The following FHIT variants were observed in gnomAD, a reference collection of about 807,000 sequenced individuals.
The protein encoded by FHIT is bis(5'-adenosyl)-triphosphatase.
FHIT carries 19 observed loss-of-function variants against 17.9 expected under a neutral mutation model. The ratio of observed to expected loss-of-function variants is 1.06; its 90% CI spans 0.74 to 1.56. The LOEUF (loss-of-function observed/expected upper bound fraction) is 1.56. Among genes scored for constraint, FHIT ranks in the 40% most tolerant of loss-of-function variants. The pLI, the probability that FHIT is intolerant of heterozygous loss-of-function variation, is 0.00. For synonymous variants in FHIT, 81 were observed against 69.7 expected (o/e 1.16, Z -0.81); for missense variants, 248 against 189.2 (o/e 1.31, Z -1.82).
intron 2 of FHIT, among the ~76,000 whole-genome samples, chr3:61,180,196 TGAG>T (rs2038295495): frequency 6.6e-6 from 1 of 152,146 alleles, no homozygotes; most frequent in African/African-American, 2.4e-5. Flanking sequence ...AATGAAAGTG[TGAG>T]GAGATCTGTA....
At chr3:59,986,169 T>C (rs527712583) in intron 7 of FHIT, among the ~76,000 whole-genome samples, 3 of 152,054 alleles carry the variant, frequency 2.0e-5, no homozygotes, top group South Asian at 4.2e-4. Flanking sequence ...CAGCTAACTT[T>C]CTTGGGAAAA....
At chr3:60,332,865 T>A (rs1314281722) in intron 5 of FHIT, among the ~76,000 whole-genome samples, 2 of 152,282 alleles carry the variant, frequency 1.3e-5, no homozygotes, top group African/African-American at 4.8e-5. Context: ...AGAGGAAGAT[T>A]TTTGCCCTCC....
intron 7 of FHIT, among the ~76,000 whole-genome samples, chr3:59,925,381 T>C (rs766977012): frequency 2.6e-5 from 4 of 152,154 alleles, no homozygotes; most frequent in Non-Finnish European, 4.4e-5. Context: ...GCTGAGATTA[T>C]AGGTGTGAGC....
intron 5 of FHIT, among the ~76,000 whole-genome samples, chr3:60,110,571 G>A (rs78903978): frequency 3.0e-4 from 45 of 152,188 alleles, no homozygotes; most frequent in African/African-American, 1.1e-3. Context: ...TTCCATCTTT[G>A]GTAGCTGTGC....
chr3:60,368,035 C>CTA (rs1277323770), intron 5 of FHIT, among the ~76,000 whole-genome samples: 3 of 151,982 alleles, frequency 2.0e-5, no homozygotes, highest in African/African-American at 7.2e-5. Context: ...AACATTTTAT[C>CTA]TATGCTTTTG....
chr3:60,488,459 A>C (rs1559486122), intron 5 of FHIT, among the ~76,000 whole-genome samples: 2 of 152,176 alleles, frequency 1.3e-5, no homozygotes, highest in Admixed American at 1.3e-4. Flanking sequence ...AGGACTATTC[A>C]GAAGTCATGT....
chr3:60,972,753 C>T (rs541231022), intron 3 of FHIT, among the ~76,000 whole-genome samples: 3 of 152,200 alleles, frequency 2.0e-5, no homozygotes, highest in South Asian at 4.1e-4. Flanking sequence ...TTTATTTTTG[C>T]ATTCTCTTTT....
At chr3:60,573,341 T>G (rs2037451039) in intron 4 of FHIT, among the ~76,000 whole-genome samples, 1 of 152,128 alleles carries the variant, frequency 6.6e-6, no homozygotes, top group African/African-American at 2.4e-5. Flanking sequence ...CCCATCTCCT[T>G]TAGAATTTGA....
chr3:60,561,657 G>T (rs570398605), intron 4 of FHIT, among the ~76,000 whole-genome samples: 4 of 152,230 alleles, frequency 2.6e-5, no homozygotes, highest in Admixed American at 1.3e-4. Flanking sequence ...TTGTAGTTCT[G>T]ACACCATTCA....
chr3:60,276,522 G>A (rs1310257321), intron 5 of FHIT, among the ~76,000 whole-genome samples: 2 of 152,164 alleles, frequency 1.3e-5, no homozygotes, highest in South Asian at 4.1e-4. Context: ...CAATGGAGAT[G>A]CCTCAATAGT....
chr3:60,971,237 G>T (rs1399226320), intron 3 of FHIT, among the ~76,000 whole-genome samples: 1 of 152,130 alleles, frequency 6.6e-6, no homozygotes, highest in Non-Finnish European at 1.5e-5. Flanking sequence ...GAGCATGGTG[G>T]TGTGTGCCTG....
intron 5 of FHIT, among the ~76,000 whole-genome samples, chr3:60,433,207 T>G (rs1366897723): frequency 2.6e-5 from 4 of 152,120 alleles, no homozygotes; most frequent in Non-Finnish European, 5.9e-5. Context: ...TCTGACATGA[T>G]GACCTTCAGG....
chr3:60,571,749 C>A (rs1411814535), intron 4 of FHIT, among the ~76,000 whole-genome samples: 2 of 152,164 alleles, frequency 1.3e-5, no homozygotes, highest in Non-Finnish European at 2.9e-5. Flanking sequence ...CTATTAAGCA[C>A]CCTCTCTGGA....
At chr3:60,118,944 G>A (rs927941005) in intron 5 of FHIT, among the ~76,000 whole-genome samples, 2 of 150,912 alleles carry the variant, frequency 1.3e-5, no homozygotes, top group African/African-American at 2.4e-5. Context: ...TCACTTAAAC[G>A]TGGGAGGCGG....
chr3:60,080,056 GA>G (rs1035184530), intron 5 of FHIT, among the ~76,000 whole-genome samples: 2 of 151,938 alleles, frequency 1.3e-5, no homozygotes, highest in African/African-American at 4.8e-5. Context: ...AAGTAATTTT[GA>G]AAGGAGAAAA....
intron 3 of FHIT, among the ~76,000 whole-genome samples, chr3:60,920,614 C>T (rs947987061): frequency 1.3e-5 from 2 of 152,036 alleles, no homozygotes; most frequent in South Asian, 4.1e-4. Context: ...GGAAACCCAA[C>T]ATGCCAAGGA....
At chr3:60,777,896 G>A (rs931010286) in intron 4 of FHIT, among the ~76,000 whole-genome samples, 4 of 152,008 alleles carry the variant, frequency 2.6e-5, no homozygotes, top group Non-Finnish European at 5.9e-5. Context: ...CTGGAATTCC[G>A]TTTCATAACA....
At chr3:61,200,526 T>C (rs2038980277) in intron 2 of FHIT, 91 bp downstream of exon 2, 1 of 152,664 alleles carries the variant, frequency 6.6e-6, no homozygotes, top group Non-Finnish European at 1.5e-5. Flanking sequence ...GTCAGCTATA[T>C]CTTTAGTCCA....
chr3:61,144,570 A>G (rs1028224088), intron 2 of FHIT, among the ~76,000 whole-genome samples: 1 of 152,192 alleles, frequency 6.6e-6, no homozygotes, highest in African/African-American at 2.4e-5. Flanking sequence ...AAGGTATAGA[A>G]TTGCTGGGTT....
Sources: allele counts gnomAD v4.1 joint callset (sites outside exome capture counted in the v4.1 genomes callset), GRCh38; gene constraint gnomAD v4.1.1; transcripts MANE v1.5; gene names NCBI Gene and HGNC (gene_info 2026-07-23, HGNC 2026-07-21).